FAM135B: variants seen among roughly 807,000 people sequenced by gnomAD.
FAM135B encodes family with sequence similarity 135 member B, also known as protein FAM135B.
FAM135B carries 43 observed loss-of-function variants against 127.7 expected under a neutral mutation model. The observed-to-expected ratio is 0.34, with a 90% CI of 0.26 to 0.43. The LOEUF is 0.43. Among genes scored for constraint, FAM135B ranks in the 20% least tolerant of loss-of-function variants. The pLI, the probability that FAM135B is intolerant of heterozygous loss-of-function variation, is 1.00. For synonymous variants in FAM135B, 670 were observed against 665.1 expected (o/e 1.01, Z -0.11); for missense variants, 1,558 against 1,725.6 (o/e 0.90, Z 1.72).
At chr8:138,389,103 G>A (rs1832387869) in intron 1 of FAM135B, among the ~76,000 whole-genome samples, 1 of 152,128 alleles carries the variant, frequency 6.6e-6, no homozygotes, top group Non-Finnish European at 1.5e-5. Context: ...CACACAATGA[G>A]ATATCACTTC....
chr8:138,281,550 G>C (rs1188775317), intron 3 of FAM135B, among the ~76,000 whole-genome samples: 1 of 151,916 alleles, frequency 6.6e-6, no homozygotes, highest in Non-Finnish European at 1.5e-5. Context: ...ATTATACTTG[G>C]ATTCTTTGCA....
chr8:138,336,537 C>T (rs1280998200), intron 2 of FAM135B, among the ~76,000 whole-genome samples: 1 of 152,188 alleles, frequency 6.6e-6, no homozygotes, highest in Admixed American at 6.5e-5. Flanking sequence ...GACACATACA[C>T]CCTCCCAAGA....
At chr8:138,438,487 A>C (rs1456149081) in intron 1 of FAM135B, 1 of 151,834 alleles carries the variant, frequency 6.6e-6, no homozygotes, top group Non-Finnish European at 1.5e-5. Flanking sequence ...GAGCTCTATC[A>C]AAGAAAAAAA....
intron 3 of FAM135B, among the ~76,000 whole-genome samples, chr8:138,306,408 C>T (rs1418421309): frequency 3.9e-5 from 1 of 25,664 alleles, no homozygotes; most frequent in Non-Finnish European, 2.2e-4. Context: ...ACACTCCAGT[C>T]TGGGAGACTG....
At chr8:138,297,379 C>G (rs553730560) in intron 3 of FAM135B, among the ~76,000 whole-genome samples, 18 of 152,316 alleles carry the variant, frequency 1.2e-4, no homozygotes, top group Admixed American at 4.6e-4. Flanking sequence ...GCACTGGGCG[C>G]TTGCCCAAAG....
intron 12 of FAM135B, among the ~76,000 whole-genome samples, chr8:138,166,770 G>A (rs1456181975): frequency 1.3e-5 from 2 of 152,142 alleles, no homozygotes; most frequent in African/African-American, 4.8e-5. Context: ...GACTCGATGA[G>A]TGACGGCAGT....
At chr8:138,211,897 G>A (rs4909758) in intron 7 of FAM135B, among the ~76,000 whole-genome samples, 4,390 of 151,958 alleles carry the variant, frequency 0.029, 117 homozygotes, top group East Asian at 0.14. Flanking sequence ...GTGAAACCTC[G>A]TCTCTACTAA....
At position 138,151,597 on chromosome 8, in the gene FAM135B, G is replaced by A. The variant is rs1401543542; in HGVS notation, c.2878C>T (p.Pro960Ser). The change falls in exon 13 of 20, where the codon CCT (proline) becomes TCT (serine). Residue 960 changes from proline (P) to serine (S), a missense_variant. By Grantham distance (74) the Pro-to-Ser change is moderately conservative. This residue lies in a region of FAM135B where 923 missense variants were observed against 865.3 expected (regional missense o/e 1.07). Coordinates refer to ENST00000395297, the MANE Select transcript of FAM135B (RefSeq NM_015912.4). ...STGQQSQSGS[P>S]CIMDDTAFNR... ...AATGCTGTGTCATCCATAATGCAAGGTGAACCGCTTTGGCTTTGCTGGCCT... is the reference window on the plus strand; with the variant it reads ...AATGCTGTGTCATCCATAATGCAAGATGAACCGCTTTGGCTTTGCTGGCCT... 5 of 1,614,192 alleles carry A rather than the reference G, an allele frequency of 3.1e-6. No homozygotes were observed. The highest frequency in any genetic ancestry group is 2.2e-5 in the South Asian group (2 of 91,070).
chr8:138,146,462 A>C (rs1817664173), intron 14 of FAM135B, among the ~76,000 whole-genome samples: 1 of 152,142 alleles, frequency 6.6e-6, no homozygotes, highest in Non-Finnish European at 1.5e-5. Context: ...TAAAAGGAAG[A>C]CTATCTAGTG....
In FAM135B at chr8:138,152,141, G is replaced by A. The variant is rs2130757990; in HGVS notation, c.2334C>T (p.Ser778=). The change falls in exon 13 of 20, where the codon AGC becomes AGT. Residue 778 remains serine (S), a synonymous_variant. Coordinates refer to ENST00000395297, the MANE Select transcript of FAM135B (RefSeq NM_015912.4). The part of the protein sequence containing the change: ...TKSVSAPHIS[S]PEEAAEDADT... Reference sequence around the variant, plus strand: ...CCGCATCTTCAGCAGCCTCCTCTGGGCTACTGATGTGGGGAGCAGATACAG... The same window carrying A: ...CCGCATCTTCAGCAGCCTCCTCTGGACTACTGATGTGGGGAGCAGATACAG... The A allele has an allele frequency of 6.2e-7, 1 of 1,613,944 alleles. No homozygotes were observed. The highest frequency in any genetic ancestry group is 8.5e-7 in the Non-Finnish European group (1 of 1,180,020).
chr8:138,216,002 A>G (rs533586038), intron 7 of FAM135B, among the ~76,000 whole-genome samples: 2 of 152,302 alleles, frequency 1.3e-5, no homozygotes, highest in African/African-American at 4.8e-5. Flanking sequence ...AGCGATATTC[A>G]TTTCCAATAA....
intron 2 of FAM135B, among the ~76,000 whole-genome samples, chr8:138,312,410 G>C (rs920996856): frequency 2.6e-5 from 4 of 152,146 alleles, no homozygotes; most frequent in Non-Finnish European, 4.4e-5. Context: ...AAGCAGACAG[G>C]TTAGGAACCT....
At chr8:138,197,115 G>A (rs942778086) in intron 8 of FAM135B, among the ~76,000 whole-genome samples, 35 of 32,796 alleles carry the variant, frequency 1.1e-3, no homozygotes, top group African/African-American at 1.1e-3. Flanking sequence ...GTGTGTGTGT[G>A]TGTATATATA....
chr8:138,281,032 T>C (rs567698018), intron 3 of FAM135B, among the ~76,000 whole-genome samples: 5 of 152,280 alleles, frequency 3.3e-5, no homozygotes, highest in African/African-American at 1.2e-4. Context: ...CATCTACAAG[T>C]TGCCAGGGCT....
chr8:138,223,185 G>A (rs1163150229), intron 7 of FAM135B, among the ~76,000 whole-genome samples: 2 of 152,154 alleles, frequency 1.3e-5, no homozygotes, highest in African/African-American at 2.4e-5. Flanking sequence ...GTTATCACGG[G>A]GTTAAACAGG....
At chr8:138,481,344 A>C (rs1814771072) in intron 1 of FAM135B, among the ~76,000 whole-genome samples, 1 of 152,238 alleles carries the variant, frequency 6.6e-6, no homozygotes. Flanking sequence ...GATTCAGAAA[A>C]GTTAAAGGTT....
intron 2 of FAM135B, among the ~76,000 whole-genome samples, chr8:138,326,501 G>C (rs1030403162): frequency 6.6e-6 from 1 of 152,106 alleles, no homozygotes; most frequent in Admixed American, 6.6e-5. Flanking sequence ...TAAAACCTCA[G>C]ACCAGAAAAT....
chr8:138,219,552 A>C (rs1292826103), intron 7 of FAM135B, among the ~76,000 whole-genome samples: 2 of 152,188 alleles, frequency 1.3e-5, no homozygotes, highest in African/African-American at 4.8e-5. Context: ...TGAGATGGGG[A>C]TTGAGAAAAT....
intron 1 of FAM135B, among the ~76,000 whole-genome samples, chr8:138,467,541 T>C (rs1258628413): frequency 1.3e-5 from 2 of 152,232 alleles, no homozygotes; most frequent in Admixed American, 6.5e-5. Flanking sequence ...TTGGACAGTA[T>C]TGCCTTAGAC....
Sources: allele counts gnomAD v4.1 joint callset (sites outside exome capture counted in the v4.1 genomes callset), GRCh38; gene constraint gnomAD v4.1.1; regional missense constraint gnomAD v4.1.1; transcripts MANE v1.5; gene names NCBI Gene and HGNC (gene_info 2026-07-23, HGNC 2026-07-21).